Variants in ATP1A2 observed in about 807,000 individuals in gnomAD.
ATP1A2 encodes ATPase Na+/K+ transporting subunit alpha 2.
Under a neutral mutation model 113.1 loss-of-function variants are expected in ATP1A2, and 56 were observed. The observed-to-expected ratio is 0.49, with a 90% CI of 0.40 to 0.62. ATP1A2 has a LOEUF of 0.62. Among genes scored for constraint, ATP1A2 ranks in the 20% least tolerant of loss-of-function variants. The pLI, the probability that ATP1A2 is intolerant of heterozygous loss-of-function variation, is 0.00. For missense variants in ATP1A2, 712 were observed against 1,357.8 expected (o/e 0.52, Z 7.47); for synonymous variants, 490 against 526.8 (o/e 0.93, Z 0.96).
chr1:160,127,462 T>A, intron 7 of ATP1A2, 90 bp from the exon 8 acceptor site: 2 of 1,590,556 alleles, frequency 1.3e-6, no homozygotes, highest in African/African-American at 2.7e-5. Context: ...TCACCTATCC[T>A]GTGATGATTT....
chr1:160,129,617 C>G (rs1045588336), intron 11 of ATP1A2, among the ~76,000 whole-genome samples: 2 of 152,150 alleles, frequency 1.3e-5, no homozygotes, highest in Non-Finnish European at 2.9e-5. Flanking sequence ...CAATCTGTCA[C>G]TCTCTCAACT....
In ATP1A2 at chr1:160,130,271, G is replaced by A. The variant is rs1651730758; in HGVS notation, c.1631G>A (p.Gly544Glu). Residue 544 changes from glycine to glutamate, a missense_variant, in exon 12 of 23, where the codon GGA becomes GAA. This residue lies in a region of ATP1A2 where 263 missense variants were observed against 380.6 expected (regional missense o/e 0.69). Transcript: ENST00000361216. ...CAAAATGCCTACATGGAGCTGGGGGGACTTGGGGAGCGTGTGCTGGGTGAG... is the reference window on the plus strand; with the variant it reads ...CAAAATGCCTACATGGAGCTGGGGGAACTTGGGGAGCGTGTGCTGGGTGAG... ...AFQNAYMELGGLGERVLGFCQ... is the reference protein window; with the variant it reads ...AFQNAYMELGELGERVLGFCQ... The A allele has an allele frequency of 6.8e-6, 11 of 1,614,206 alleles. No homozygotes were observed. The highest frequency in any genetic ancestry group is 2.2e-5 in the South Asian group (2 of 91,088).
At chr1:160,126,050 G>A (rs1234874226) in intron 7 of ATP1A2, among the ~76,000 whole-genome samples, 2 of 152,094 alleles carry the variant, frequency 1.3e-5, no homozygotes, top group East Asian at 1.9e-4. Context: ...CACTTCCCCT[G>A]TCCATTACTC....
At position 160,136,632 on chromosome 1, in the gene ATP1A2, C is replaced by A. The variant is rs1351829498; in HGVS notation, c.2626C>A (p.Leu876Met). ...YFVILAENGFLPSRLLGIRLD... is the reference protein window; with the variant it reads ...YFVILAENGFMPSRLLGIRLD... ...TGTGATCCTGGCAGAGAACGGTTTC[C>A]TGCCATCACGGCTACTGGGAATCCG... Residue 876 changes from leucine (L) to methionine (M), a missense_variant, in exon 19 of 23, where the codon CTG (leucine) becomes ATG (methionine). By Grantham distance (15) the Leu-to-Met change is conservative. This residue lies in a region of ATP1A2 where 188 missense variants were observed against 438.9 expected (regional missense o/e 0.43). Coordinates refer to ENST00000361216, the MANE Select transcript of ATP1A2 (RefSeq NM_000702.4). 6.2e-7 allele frequency: 1 copy of A among 1,614,128 alleles called. No homozygotes were observed. Among genetic ancestry groups the A allele is most frequent in the African/African-American group, 1.3e-5 (1 of 74,936 alleles).
chr1:160,134,677 G>T, intron 14 of ATP1A2, 57 bp downstream of exon 14: 1 of 1,613,420 alleles, frequency 6.2e-7, no homozygotes, highest in Non-Finnish European at 8.5e-7. Context: ...TTGCACAGAA[G>T]GCTTGGGTGT....
At chr1:160,137,816 T>C (rs767454737) in intron 20 of ATP1A2, among the ~76,000 whole-genome samples, 3 of 152,092 alleles carry the variant, frequency 2.0e-5, no homozygotes, top group Admixed American at 6.5e-5. Flanking sequence ...AGTTTCTTAG[T>C]TTGGGGCTGG....
At position 160,137,047 on chromosome 1, in the gene ATP1A2, C is replaced by G. The variant is rs1253931520; in HGVS notation, c.2840+16C>G. ...AGGGCATGAAGTGAGTGCCCACCCC[C>G]ATGGCACCTACCCACCCAGGCTCTG... On this transcript the variant is annotated intron_variant, in intron 20 of 22. Transcript: ENST00000361216. 1 of 1,613,854 alleles carries G rather than the reference C, an allele frequency of 6.2e-7. No individual in the cohort carries two copies. The highest frequency in any genetic ancestry group is 8.5e-7 in the Non-Finnish European group (1 of 1,179,994).
At chr1:160,136,443 C>G in intron 18 of ATP1A2, 73 bp downstream of exon 18, 1 of 1,612,364 alleles carries the variant, frequency 6.2e-7, no homozygotes, top group Admixed American at 1.7e-5. Flanking sequence ...GAATGAGCCC[C>G]AAGCAAAATT....
Position 160,129,016 on chromosome 1 carries a change from C to T in ATP1A2, c.1253C>T (p.Ala418Val). 5 of 1,610,362 alleles carry T rather than the reference C, an allele frequency of 3.1e-6. No homozygotes were observed. Among genetic ancestry groups the T allele is most frequent in the Non-Finnish European group, 4.2e-6 (5 of 1,178,088 alleles). Residue 418 changes from alanine to valine, a missense_variant, in exon 10 of 23, where the codon GCC becomes GTC. Transcript: ENST00000361216. ...GACAAACGATCCCCTACGTGGACGG[C>T]CCTGTCTCGAATTGCTGGTCTCTGC... The part of the protein sequence containing the change: ...TFDKRSPTWT[A>V]LSRIAGLCNR...
intron 13 of ATP1A2, among the ~76,000 whole-genome samples, chr1:160,131,410 G>T (rs189206177): frequency 6.6e-6 from 1 of 152,322 alleles, no homozygotes; most frequent in East Asian, 1.9e-4. Flanking sequence ...GCAGGTACTT[G>T]AACCAAGGCA....
At chr1:160,124,182 A>G (rs1274943708) in intron 5 of ATP1A2, 114 bp from the exon 6 acceptor site, 31 of 1,553,654 alleles carry the variant, frequency 2.0e-5, no homozygotes, top group Non-Finnish European at 2.7e-5. Context: ...TTTCCATGCC[A>G]GCACCTAATT....
rs563019849 is a variant in ATP1A2 at position 160,143,582 on chromosome 1, G to GA, written c.*2269dup. On this transcript the variant is annotated 3_prime_UTR_variant, in exon 23 of 23. Transcript: ENST00000361216. ...AAATAATAAAGTGGCATTTCTTTATGAAAAAAAAAGAAATCTCTTCCATAA... is the reference window on the plus strand; with the variant it reads ...AAATAATAAAGTGGCATTTCTTTATGAAAAAAAAAAGAAATCTCTTCCATAA... 672 of 150,826 alleles carry GA rather than the reference G, an allele frequency of 4.5e-3. 4 individuals carry two copies. The highest frequency in any genetic ancestry group is 6.9e-3 in the Middle Eastern group (2 of 290). The allele number at this position is 150,826 out of a possible 1,614,324, so 9.3% of individuals were successfully genotyped here. A position where few individuals can be genotyped will look rare whatever the true frequency, so the allele number is the denominator to read the frequency against.
intron 4 of ATP1A2, among the ~76,000 whole-genome samples, chr1:160,123,683 G>A (rs966382779): frequency 1.3e-5 from 2 of 152,222 alleles, no homozygotes; most frequent in Non-Finnish European, 2.9e-5. Context: ...CTGTGTGCCT[G>A]GGTCTTCATC....
At chr1:160,116,491 G>A (rs1461226878) in intron 1 of ATP1A2, among the ~76,000 whole-genome samples, 1 of 151,660 alleles carries the variant, frequency 6.6e-6, no homozygotes, top group Non-Finnish European at 1.5e-5. Context: ...ATTGTCCGTG[G>A]GTTCCAAGCC....
intron 3 of ATP1A2, among the ~76,000 whole-genome samples, chr1:160,122,396 C>T (rs183527320): frequency 7.4e-6 from 1 of 134,838 alleles, no homozygotes; most frequent in African/African-American, 2.7e-5. Flanking sequence ...ACTGGATATA[C>T]ATTTATTAAA....
chr1:160,135,010 G>C lies in ATP1A2; in HGVS notation c.1965-135G>C. On this transcript the variant is annotated intron_variant, in intron 14 of 22. Coordinates refer to ENST00000361216, the MANE Select transcript of ATP1A2 (RefSeq NM_000702.4). The surrounding 1 kb of genome is among the most constrained non-coding windows in gnomAD (Gnocchi z 6.3). ...AAATGGGGGAAGTGAGTACTGAGGA[G>C]AGGAGAACTGAAGCAACAGGGGAAG... 3.6e-6 allele frequency: 4 copies of C among 1,109,878 alleles called. No homozygotes were observed. The highest frequency in any genetic ancestry group is 5.4e-6 in the Non-Finnish European group (4 of 742,592). 68.8% of individuals were successfully genotyped at this position (1,109,878 alleles called of 1,614,324 possible). A position where few individuals can be genotyped will look rare whatever the true frequency, so the allele number is the denominator to read the frequency against.
At chr1:160,131,701 G>A (rs1651780270) in intron 13 of ATP1A2, among the ~76,000 whole-genome samples, 1 of 152,022 alleles carries the variant, frequency 6.6e-6, no homozygotes, top group Non-Finnish European at 1.5e-5. Context: ...TGTAGTGGCA[G>A]GTGCCTGTAA....
chr1:160,124,544 C>A, intron 6 of ATP1A2, 114 bp downstream of exon 6: 1 of 1,476,540 alleles, frequency 6.8e-7, no homozygotes, highest in Non-Finnish European at 9.2e-7. Context: ...AATGTCAACA[C>A]CATGCCTATG....
At position 160,127,613 on chromosome 1, in the gene ATP1A2, T is replaced by G; in HGVS notation, c.810T>G (p.Thr270=). The part of the protein sequence containing the change: ...GDRTVMGRIA[T]LASGLEVGRT... ...GGACGGTGATGGGCCGCATAGCTAC[T>G]CTCGCCTCAGGCCTGGAGGTTGGGC... The change falls in exon 8 of 23, where the codon ACT becomes ACG. Residue 270 remains threonine, a synonymous_variant. Transcript: ENST00000361216. 1.9e-6 allele frequency: 3 copies of G among 1,614,224 alleles called. No individual in the cohort carries two copies. Among genetic ancestry groups the G allele is most frequent in the Non-Finnish European group, 2.5e-6 (3 of 1,180,034 alleles).
Sources: gnomAD v4.1 joint callset for allele counts (sites outside exome capture counted in the v4.1 genomes callset) on GRCh38, gnomAD v4.1.1 for gene constraint, gnomAD v4.1.1 regional missense constraint, Gnocchi (gnomAD v3.1) non-coding constraint, MANE v1.5 for transcripts, NCBI Gene and HGNC (gene_info 2026-07-23, HGNC 2026-07-21) for gene names.